COL21A1: variants seen among roughly 807,000 people sequenced by gnomAD.
The protein encoded by COL21A1 is collagen alpha-1(XXI) chain.
COL21A1 carries 149 observed loss-of-function variants against 137.9 expected under a neutral mutation model. The observed-to-expected ratio is 1.08, with a 90% CI of 0.95 to 1.24. The LOEUF is 1.24. COL21A1 is among the 50% of genes most tolerant of loss of function. The pLI, the probability that COL21A1 is intolerant of heterozygous loss-of-function variation, is 0.00. For missense variants in COL21A1, 1,167 were observed against 1,158.4 expected (o/e 1.01, Z -0.11); for synonymous variants, 456 against 391.5 (o/e 1.16, Z -1.95).
chr6:56,128,634 A>G (rs1228755629), intron 12 of COL21A1, among the ~76,000 whole-genome samples: 5 of 152,134 alleles, frequency 3.3e-5, no homozygotes, highest in Non-Finnish European at 5.9e-5. Context: ...TGAGTAAACT[A>G]TCACCAATTC....
intron 10 of COL21A1, among the ~76,000 whole-genome samples, chr6:56,152,534 G>C (rs1468614601): frequency 1.3e-5 from 2 of 152,052 alleles, no homozygotes; most frequent in African/African-American, 4.8e-5. Context: ...CATACACACA[G>C]ACACCAAAAC....
At chr6:56,349,184 T>C (rs1027002344) in intron 1 of COL21A1, among the ~76,000 whole-genome samples, 2 of 152,204 alleles carry the variant, frequency 1.3e-5, no homozygotes, top group Admixed American at 1.3e-4. Context: ...ACTGCACTGA[T>C]AAAATAAATT....
chr6:56,080,596 T>C (rs1452922722), intron 17 of COL21A1, among the ~76,000 whole-genome samples: 1 of 151,832 alleles, frequency 6.6e-6, no homozygotes, highest in East Asian at 1.9e-4. Context: ...ATGAATGTAT[T>C]TACTTATCTA....
chr6:56,060,401 T>A, intron 27 of COL21A1, 183 bp from the exon 28 acceptor site: 1 of 577,658 alleles, frequency 1.7e-6, no homozygotes, highest in South Asian at 2.8e-5. Context: ...TGTGCGGTAA[T>A]TTTATTAGAG....
At chr6:56,171,165 G>T (rs1458230971) in intron 3 of COL21A1, 37 bp from the exon 4 acceptor site, 2 of 1,481,358 alleles carry the variant, frequency 1.4e-6, no homozygotes, top group Admixed American at 2.3e-5. Flanking sequence ...GTTAATCATG[G>T]ACTATTCAAA....
chr6:56,106,593 A>G (rs1582371787), intron 16 of COL21A1, among the ~76,000 whole-genome samples: 1 of 152,324 alleles, frequency 6.6e-6, no homozygotes, highest in Admixed American at 6.5e-5. Flanking sequence ...AGCTATCCAA[A>G]CATGTACAAC....
At chr6:56,068,938 C>A (rs1766496498) in intron 22 of COL21A1, 108 bp downstream of exon 22, 2 of 720,800 alleles carry the variant, frequency 2.8e-6, no homozygotes, top group Non-Finnish European at 4.8e-6. Context: ...GGTACTTTAT[C>A]ATTAAAAATA....
intron 1 of COL21A1, among the ~76,000 whole-genome samples, chr6:56,393,023 A>T (rs2397222): frequency 0.31 from 46,249 of 147,120 alleles, 8,290 homozygotes; most frequent in East Asian, 0.63. Flanking sequence ...ACCACAAAAG[A>T]CCCAGGATAA....
At chr6:56,314,837 G>A (rs571763756) in intron 1 of COL21A1, among the ~76,000 whole-genome samples, 6 of 152,226 alleles carry the variant, frequency 3.9e-5, no homozygotes, top group Non-Finnish European at 5.9e-5. Flanking sequence ...TTGAATTAGC[G>A]GAGAAAGTTG....
chr6:56,317,499 T>C (rs1021025327), intron 1 of COL21A1, among the ~76,000 whole-genome samples: 2 of 152,248 alleles, frequency 1.3e-5, no homozygotes, highest in East Asian at 1.9e-4. Context: ...CTCTCATAAC[T>C]TTTAGAAATT....
intron 1 of COL21A1, among the ~76,000 whole-genome samples, chr6:56,334,775 C>A (rs1765301435): frequency 6.6e-6 from 1 of 152,104 alleles, no homozygotes; most frequent in African/African-American, 2.4e-5. Context: ...GAGGGCTCTG[C>A]CATCATAAGT....
At chr6:56,158,428 A>G (rs1391450460) in intron 9 of COL21A1, among the ~76,000 whole-genome samples, 1 of 151,638 alleles carries the variant, frequency 6.6e-6, no homozygotes, top group African/African-American at 2.4e-5. Flanking sequence ...ACAAGCCATC[A>G]TGCCCAGCTA....
At chr6:56,278,289 C>T (rs1763714590) in intron 1 of COL21A1, among the ~76,000 whole-genome samples, 2 of 152,256 alleles carry the variant, frequency 1.3e-5, no homozygotes, top group Admixed American at 1.3e-4. Flanking sequence ...AGATAACTGC[C>T]TGGGGGTTAC....
At chr6:56,258,249 T>A (rs945457047) in intron 1 of COL21A1, among the ~76,000 whole-genome samples, 2 of 152,174 alleles carry the variant, frequency 1.3e-5, no homozygotes, top group Non-Finnish European at 2.9e-5. Flanking sequence ...ATTTATTTAT[T>A]TTCAGGAGTA....
At chr6:56,300,777 A>G (rs1269708739) in intron 1 of COL21A1, among the ~76,000 whole-genome samples, 1 of 152,162 alleles carries the variant, frequency 6.6e-6, no homozygotes, top group Non-Finnish European at 1.5e-5. Flanking sequence ...TGATTGATAA[A>G]TACTGCTCTA....
rs60141508 is a variant in COL21A1, at chr6:56,355,002, C to T, written c.-39+38969G>A. 7.2e-3 allele frequency among the ~76,000 whole-genome samples: 1,098 copies of T among 152,254 alleles called. 10 individuals are homozygous for T. The highest frequency in any genetic ancestry group is 0.025 in the African/African-American group (1,030 of 41,546). On this transcript the variant is annotated intron_variant, in intron 1 of 28. Coordinates refer to the COL21A1 transcript ENST00000370819. ...TTTAAGAAAATAATTGGGCCTTTAT[C>T]CTGCCATTCCTATACAAATTAAACC...
chr6:56,244,604 A>G (rs2152326751), intron 1 of COL21A1, among the ~76,000 whole-genome samples: 1 of 152,292 alleles, frequency 6.6e-6, no homozygotes, highest in South Asian at 2.1e-4. Context: ...CCTAATGAAG[A>G]TCTGATTTCT....
chr6:56,386,012 G>T (rs1033666233), intron 1 of COL21A1, among the ~76,000 whole-genome samples: 3 of 151,674 alleles, frequency 2.0e-5, no homozygotes, highest in African/African-American at 7.3e-5. Flanking sequence ...CGATTCTCCT[G>T]CCTCAGCTTC....
At chr6:56,281,058 A>G (rs1763776824) in intron 1 of COL21A1, among the ~76,000 whole-genome samples, 1 of 152,146 alleles carries the variant, frequency 6.6e-6, no homozygotes, top group Non-Finnish European at 1.5e-5. Context: ...CTATAAAGCC[A>G]GTGTCCATCC....
Sources: gnomAD v4.1 joint callset for allele counts (sites outside exome capture counted in the v4.1 genomes callset) on GRCh38, gnomAD v4.1.1 for gene constraint, MANE v1.5 for transcripts, NCBI Gene and HGNC (gene_info 2026-07-23, HGNC 2026-07-21) for gene names.